The following LTBP1 variants were observed in gnomAD, a reference collection of about 807,000 sequenced individuals.
The protein encoded by LTBP1 is latent transforming growth factor beta binding protein 1.
In LTBP1, 129 loss-of-function variants were observed where a neutral mutation model predicts 207.6. The ratio of observed to expected loss-of-function variants is 0.62; its 90% CI spans 0.54 to 0.72. The LOEUF (loss-of-function observed/expected upper bound fraction) is 0.72. Ranked by LOEUF, LTBP1 falls within the 30% of genes least tolerant of loss-of-function variation. LTBP1 has a pLI of 0.00. For missense variants in LTBP1, 2,281 were observed against 2,217.2 expected (o/e 1.03, Z -0.58); for synonymous variants, 963 against 833.7 (o/e 1.16, Z -2.67).
intron 24 of LTBP1, among the ~76,000 whole-genome samples, chr2:33,340,022 T>C (rs556025508): frequency 1.3e-4 from 20 of 151,994 alleles, no homozygotes; most frequent in African/African-American, 2.9e-4. Flanking sequence ...GTTTTAGGCT[T>C]GATAAGTTTA....
At chr2:33,090,822 T>C (rs1324767431) in intron 3 of LTBP1, among the ~76,000 whole-genome samples, 6 of 152,222 alleles carry the variant, frequency 3.9e-5, no homozygotes, top group Non-Finnish European at 5.9e-5. Flanking sequence ...CCATTTCATA[T>C]AGCTCTGCAA....
chr2:33,071,178 G>A (rs1459486522), intron 3 of LTBP1, among the ~76,000 whole-genome samples: 1 of 152,142 alleles, frequency 6.6e-6, no homozygotes, highest in East Asian at 1.9e-4. Flanking sequence ...GAGTCGTTCA[G>A]GCCACTTCCA....
Position 33,186,950 on chromosome 2 carries a change from C to A in LTBP1, c.1296C>A (p.Ile432=), listed in dbSNP as rs1167819395. ...PPNFTGKLCQ[I]PVHGASVPKL... Reference sequence around the variant, plus strand: ...ATTTCACAGGAAAACTTTGTCAGATCCCAGTCCATGGTGCCAGCGTGCCTA... The same window carrying A: ...ATTTCACAGGAAAACTTTGTCAGATACCAGTCCATGGTGCCAGCGTGCCTA... The change falls in exon 6 of 34, where the codon ATC becomes ATA. Residue 432 remains isoleucine (I), a synonymous_variant. Transcript: ENST00000404816. The A allele has an allele frequency of 1.9e-6, 3 of 1,614,052 alleles. No homozygotes were observed. The highest frequency in any genetic ancestry group is 2.2e-5 in the East Asian group (1 of 44,898).
At chr2:33,119,185 A>G (rs2150363700) in intron 4 of LTBP1, among the ~76,000 whole-genome samples, 1 of 150,618 alleles carries the variant, frequency 6.6e-6, no homozygotes, top group Middle Eastern at 3.4e-3. Context: ...TTCCCTAGGG[A>G]AAGGTAATAC....
intron 4 of LTBP1, among the ~76,000 whole-genome samples, chr2:33,115,662 T>C (rs1293819128): frequency 6.6e-6 from 1 of 152,200 alleles, no homozygotes; most frequent in Non-Finnish European, 1.5e-5. Context: ...TACAGTGTTT[T>C]CATTGGTGAC....
At chr2:33,202,034 C>CACACACAG (rs1192869609) in intron 7 of LTBP1, among the ~76,000 whole-genome samples, 5 of 132,736 alleles carry the variant, frequency 3.8e-5, no homozygotes, top group Admixed American at 7.1e-5. Flanking sequence ...CACACACACA[C>CACACACAG]ACACACACAC....
intron 26 of LTBP1, among the ~76,000 whole-genome samples, chr2:33,351,310 A>G (rs2094778624): frequency 6.6e-6 from 1 of 152,218 alleles, no homozygotes; most frequent in African/African-American, 2.4e-5. Context: ...AAGGTTATAT[A>G]GCTAATGAAT....
intron 3 of LTBP1, among the ~76,000 whole-genome samples, chr2:33,028,290 A>G (rs1237146967): frequency 1.3e-5 from 2 of 152,228 alleles, no homozygotes; most frequent in African/African-American, 4.8e-5. Context: ...GGTGCTATGT[A>G]ATAATAATAG....
chr2:33,335,868 A>C (rs1042711439), intron 24 of LTBP1, among the ~76,000 whole-genome samples: 1 of 152,142 alleles, frequency 6.6e-6, no homozygotes, highest in Non-Finnish European at 1.5e-5. Context: ...CTGGCACCAA[A>C]TACTTAACCA....
intron 7 of LTBP1, among the ~76,000 whole-genome samples, chr2:33,215,866 C>A (rs979599036): frequency 2.6e-5 from 4 of 152,042 alleles, no homozygotes; most frequent in African/African-American, 9.7e-5. Context: ...GAGGCACGCA[C>A]CACCACGCTG....
chr2:33,356,708 G>A (rs937739707), intron 26 of LTBP1, among the ~76,000 whole-genome samples: 3 of 152,104 alleles, frequency 2.0e-5, no homozygotes, highest in South Asian at 2.1e-4. Context: ...GAGAAAACTC[G>A]AAACAAGGCA....
chr2:33,168,412 A>G (rs1487660529), intron 5 of LTBP1, among the ~76,000 whole-genome samples: 2 of 151,578 alleles, frequency 1.3e-5, no homozygotes, highest in Non-Finnish European at 2.9e-5. Context: ...AAAAAAAAAA[A>G]AAAAGAAAAA....
chr2:33,314,856 C>T (rs6752263), intron 23 of LTBP1, among the ~76,000 whole-genome samples: 188 of 152,246 alleles, frequency 1.2e-3, no homozygotes, highest in African/African-American at 3.9e-3. Flanking sequence ...TGGAGTATTC[C>T]TCAAGCCCCA....
chr2:33,168,408 AAAAAAAAAG>A (rs2085119022), intron 5 of LTBP1, among the ~76,000 whole-genome samples: 4 of 149,744 alleles, frequency 2.7e-5, no homozygotes, highest in African/African-American at 1.0e-4. Context: ...TCAAAAAAAA[AAAAAAAAAG>A]AAAAAAGAAA....
chr2:32,988,029 A>G (rs1013573568), intron 2 of LTBP1, among the ~76,000 whole-genome samples: 4 of 152,174 alleles, frequency 2.6e-5, no homozygotes, highest in Non-Finnish European at 4.4e-5. Flanking sequence ...ATGGAGGCAA[A>G]GATTGAAGTG....
intron 4 of LTBP1, among the ~76,000 whole-genome samples, chr2:33,127,910 G>A (rs139187137): frequency 6.6e-6 from 1 of 152,306 alleles, no homozygotes; most frequent in Non-Finnish European, 1.5e-5. Flanking sequence ...CTCAGGCCCT[G>A]GCTTTACATG....
chr2:33,348,716 G>A (rs2094738173), intron 26 of LTBP1, among the ~76,000 whole-genome samples: 1 of 152,146 alleles, frequency 6.6e-6, no homozygotes, highest in Admixed American at 6.5e-5. Flanking sequence ...TCTGGGTGAT[G>A]CTTAGATAGT....
chr2:33,096,657 G>C (rs1417081944), intron 3 of LTBP1, among the ~76,000 whole-genome samples: 1 of 152,154 alleles, frequency 6.6e-6, no homozygotes, highest in Non-Finnish European at 1.5e-5. Context: ...GATTATTTGG[G>C]AGAGGAATTT....
chr2:33,230,990 T>C (rs751681447), intron 9 of LTBP1, among the ~76,000 whole-genome samples: 1 of 152,228 alleles, frequency 6.6e-6, no homozygotes, highest in Non-Finnish European at 1.5e-5. Flanking sequence ...TCGTTTTTCA[T>C]AGATCATCTC....
Sources: allele counts gnomAD v4.1 joint callset (sites outside exome capture counted in the v4.1 genomes callset), GRCh38; gene constraint gnomAD v4.1.1; transcripts MANE v1.5; gene names NCBI Gene and HGNC (gene_info 2026-07-23, HGNC 2026-07-21).